Variants in RBFOX1 observed in about 807,000 individuals in gnomAD.
RBFOX1 encodes RNA binding protein fox-1 homolog 1.
Under a neutral mutation model 57.7 loss-of-function variants are expected in RBFOX1, and 8 were observed. That is an observed-to-expected ratio of 0.14 (90% CI 0.08 to 0.25). The LOEUF (loss-of-function observed/expected upper bound fraction) is 0.25. RBFOX1 is among the 10% of genes least tolerant of loss of function. The pLI, the probability that RBFOX1 is intolerant of heterozygous loss-of-function variation, is 1.00. For missense variants in RBFOX1, 611 were observed against 548.5 expected (o/e 1.11, Z -1.14); for synonymous variants, 326 against 222.4 (o/e 1.47, Z -4.15).
At chr16:6,909,484 A>G (rs924144568) in intron 3 of RBFOX1, among the ~76,000 whole-genome samples, 1 of 152,226 alleles carries the variant, frequency 6.6e-6, no homozygotes, top group African/African-American at 2.4e-5. Context: ...CATCTTTGGC[A>G]TGAGACAAGA....
intron 2 of RBFOX1, among the ~76,000 whole-genome samples, chr16:6,439,708 C>G (rs1459873420): frequency 1.3e-5 from 2 of 152,262 alleles, no homozygotes; most frequent in South Asian, 2.1e-4. Context: ...ACAATATCTT[C>G]TAGAGGGGTA....
chr16:5,254,431 C>T (rs1238113343), intron 1 of RBFOX1, among the ~76,000 whole-genome samples: 2 of 152,264 alleles, frequency 1.3e-5, no homozygotes, highest in South Asian at 2.1e-4. Flanking sequence ...TTTTCTGACT[C>T]GCCTTTAGTA....
At chr16:5,909,686 G>C (rs1321088106) in intron 4 of RBFOX1, among the ~76,000 whole-genome samples, 2 of 152,202 alleles carry the variant, frequency 1.3e-5, no homozygotes, top group Non-Finnish European at 2.9e-5. Context: ...CTGGAGGGCA[G>C]ATGCTTTGAG....
Position 6,915,180 on chromosome 16 carries a change from C to T in RBFOX1, c.-15-136877C>T, listed in dbSNP as rs981597610. On this transcript the variant is annotated intron_variant, in intron 3 of 15. Transcript: ENST00000550418. ...TCAAGGCACTGGGGCTGAGCTGCTG[C>T]TTTCCCCAGGCTCCCGGAGACCCAC... is the stretch of plus-strand genomic sequence containing the variant. Among the ~76,000 whole-genome samples, 9 of 152,178 alleles carry T rather than the reference C, an allele frequency of 5.9e-5. No homozygotes were observed. The South Asian group carries it at 1.9e-3, about 32-fold the overall frequency.
At chr16:5,462,431 G>A (rs1428293255) in intron 1 of RBFOX1, among the ~76,000 whole-genome samples, 2 of 151,986 alleles carry the variant, frequency 1.3e-5, no homozygotes, top group African/African-American at 4.8e-5. Context: ...GCCTCCCAAA[G>A]TGCTGGGATT....
intron 2 of RBFOX1, among the ~76,000 whole-genome samples, chr16:6,610,266 A>G (rs1377236728): frequency 2.0e-5 from 3 of 152,162 alleles, no homozygotes. Context: ...ATAATAAAGT[A>G]TGGCATTATT....
At chr16:7,099,704 C>A (rs1262345861) in intron 4 of RBFOX1, among the ~76,000 whole-genome samples, 1 of 152,012 alleles carries the variant, frequency 6.6e-6, no homozygotes, top group Non-Finnish European at 1.5e-5. Flanking sequence ...ATTGGTTCTA[C>A]CTGGAAGGGA....
chr16:5,775,643 G>A (rs1298291052), intron 3 of RBFOX1, among the ~76,000 whole-genome samples: 3 of 152,166 alleles, frequency 2.0e-5, no homozygotes, highest in African/African-American at 7.2e-5. Context: ...ACCTGAACAT[G>A]GCCTCAGTGC....
At chr16:6,747,426 A>ATCAG (rs1322802860) in intron 3 of RBFOX1, among the ~76,000 whole-genome samples, 1 of 143,132 alleles carries the variant, frequency 7.0e-6, no homozygotes, top group Admixed American at 7.1e-5. Context: ...AAAAAAATCT[A>ATCAG]TCAGTCAGTC....
intron 1 of RBFOX1, among the ~76,000 whole-genome samples, chr16:6,218,601 C>A (rs182908726): frequency 6.6e-6 from 1 of 152,124 alleles, no homozygotes; most frequent in South Asian, 2.1e-4. Context: ...TGCACCACTG[C>A]GCCGGCCTTA....
At chr16:7,362,586 A>G (rs796656088) in intron 4 of RBFOX1, among the ~76,000 whole-genome samples, 12 of 150,468 alleles carry the variant, frequency 8.0e-5, no homozygotes, top group African/African-American at 2.9e-4. Flanking sequence ...TGTGTGTATT[A>G]GTGTGTGGAT....
intron 4 of RBFOX1, among the ~76,000 whole-genome samples, chr16:7,429,069 A>G (rs2098652663): frequency 6.6e-6 from 1 of 152,172 alleles, no homozygotes; most frequent in African/African-American, 2.4e-5. Context: ...GTGGAAATGA[A>G]TGTGTGGAAG....
chr16:6,854,091 G>C (rs1258233519), intron 3 of RBFOX1, among the ~76,000 whole-genome samples: 1 of 152,176 alleles, frequency 6.6e-6, no homozygotes, highest in East Asian at 1.9e-4. Context: ...AGCTGAGTGT[G>C]ATAATGTTTT....
intron 2 of RBFOX1, among the ~76,000 whole-genome samples, chr16:6,596,528 G>T (rs1942977838): frequency 6.9e-6 from 1 of 144,428 alleles, no homozygotes; most frequent in African/African-American, 2.9e-5. Flanking sequence ...TGTGTTCCTG[G>T]CATTTTTAGT....
intron 2 of RBFOX1, among the ~76,000 whole-genome samples, chr16:6,459,865 T>C (rs1243501476): frequency 6.6e-6 from 1 of 151,464 alleles, no homozygotes; most frequent in Non-Finnish European, 1.5e-5. Flanking sequence ...ATGCCTGTAA[T>C]CCCAGCTACT....
intron 14 of RBFOX1, among the ~76,000 whole-genome samples, chr16:7,705,209 C>G (rs1035759027): frequency 1.3e-5 from 2 of 151,294 alleles, no homozygotes; most frequent in Non-Finnish European, 2.9e-5. Flanking sequence ...CAGGAACGAT[C>G]AAGAAAGCCT....
intron 4 of RBFOX1, among the ~76,000 whole-genome samples, chr16:7,135,359 A>G (rs1298495816): frequency 6.6e-6 from 1 of 152,234 alleles, no homozygotes; most frequent in Non-Finnish European, 1.5e-5. Flanking sequence ...AAGAACACTG[A>G]GACTAGGCAC....
At chr16:6,311,804 G>A (rs1276887181) in intron 1 of RBFOX1, among the ~76,000 whole-genome samples, 1 of 152,130 alleles carries the variant, frequency 6.6e-6, no homozygotes, top group Non-Finnish European at 1.5e-5. Context: ...AATCTAAGGT[G>A]GCTTCAGTGC....
chr16:7,496,866 C>G (rs1333255555), intron 4 of RBFOX1, among the ~76,000 whole-genome samples: 4 of 151,984 alleles, frequency 2.6e-5, no homozygotes, highest in East Asian at 1.9e-4. Flanking sequence ...TTATTTTGCA[C>G]TAGACACAGA....
Sources: allele counts gnomAD v4.1 joint callset (sites outside exome capture counted in the v4.1 genomes callset), GRCh38; gene constraint gnomAD v4.1.1; transcripts MANE v1.5; gene names NCBI Gene and HGNC (gene_info 2026-07-23, HGNC 2026-07-21).